The following ODAD2 variants were observed in gnomAD, a reference collection of about 807,000 sequenced individuals.
ODAD2 encodes outer dynein arm-docking complex subunit 2.
In ODAD2, 89 loss-of-function variants were observed where a neutral mutation model predicts 106.8. That is an observed-to-expected ratio of 0.83 (90% confidence interval 0.70 to 0.99). The LOEUF is 0.99. ODAD2 is among the 50% of genes least tolerant of loss of function. The pLI, the probability that ODAD2 is intolerant of heterozygous loss-of-function variation, is 0.00. For synonymous variants in ODAD2, 404 were observed against 436.2 expected, an observed-to-expected ratio of 0.93 and a Z score of 0.92; for missense variants, 1,168 against 1,238.5, an observed-to-expected ratio of 0.94 and a Z score of 0.85.
At position 27,933,830 on chromosome 10, in the gene ODAD2, T is replaced by C. The variant is rs1159803965; in HGVS notation, c.2495+1180A>G. ...CATGTATGCAACTTGTATTCCTTAG[T>C]GTCTGAAACACTGGAGACTAAGATT... On this transcript the variant is annotated intron_variant, in intron 16 of 19. Coordinates refer to ENST00000305242, the MANE Select transcript of ODAD2 (RefSeq NM_018076.5). Among the ~76,000 whole-genome samples the C allele has an allele frequency of 2.6e-5, 4 of 152,326 alleles. No homozygotes were observed. The South Asian group carries it at 8.3e-4, about 32-fold the overall frequency.
At chr10:27,923,342 G>A (rs937863203) in intron 16 of ODAD2, among the ~76,000 whole-genome samples, 4 of 151,762 alleles carry the variant, frequency 2.6e-5, no homozygotes, top group Non-Finnish European at 4.4e-5. Context: ...AAGAAAGCAG[G>A]GATAAATATT....
chr10:27,995,857 T>A (rs749413387), intron 1 of ODAD2: 1 of 152,378 alleles, frequency 6.6e-6, no homozygotes, highest in South Asian at 2.1e-4. Flanking sequence ...TGCCTGTATA[T>A]CCTGCCCAGA....
At chr10:27,830,411 G>A (rs1837386068) in intron 19 of ODAD2, among the ~76,000 whole-genome samples, 1 of 152,196 alleles carries the variant, frequency 6.6e-6, no homozygotes, top group Admixed American at 6.5e-5. Flanking sequence ...ATACTTGGAA[G>A]AACACAGTTT....
intron 19 of ODAD2, among the ~76,000 whole-genome samples, chr10:27,834,728 T>C (rs1837733131): frequency 6.6e-6 from 1 of 152,208 alleles, no homozygotes; most frequent in South Asian, 2.1e-4. Flanking sequence ...CAGAAAAGGC[T>C]ATTACAGAGA....
intron 2 of ODAD2, among the ~76,000 whole-genome samples, chr10:27,989,841 C>A (rs949964306): frequency 3.9e-5 from 6 of 151,956 alleles, no homozygotes; most frequent in African/African-American, 1.5e-4. Context: ...AGAGTGAGAC[C>A]CCCTCTCAAA....
intron 7 of ODAD2, among the ~76,000 whole-genome samples, chr10:27,975,262 T>A (rs1230637608): frequency 6.6e-6 from 1 of 152,114 alleles, no homozygotes; most frequent in South Asian, 2.1e-4. Flanking sequence ...TAACATTTTT[T>A]AAAAACTGGA....
intron 17 of ODAD2, among the ~76,000 whole-genome samples, chr10:27,890,499 G>C (rs1257332402): frequency 1.3e-5 from 2 of 152,138 alleles, no homozygotes; most frequent in African/African-American, 4.8e-5. Flanking sequence ...TTTAGAATAG[G>C]CAATGCTTTT....
At chr10:27,958,790 A>G (rs1259145008) in intron 10 of ODAD2, 2 of 1,207,654 alleles carry the variant, frequency 1.7e-6, no homozygotes, top group Non-Finnish European at 2.1e-6. Context: ...TTATTTTTCC[A>G]TCTTCACCAA....
intron 10 of ODAD2, among the ~76,000 whole-genome samples, chr10:27,958,511 TG>T (rs200216460): frequency 0.022 from 3,361 of 152,332 alleles, 45 homozygotes; most frequent in Non-Finnish European, 0.035. Context: ...GCAACTGGTT[TG>T]TTTTTATTTT....
intron 7 of ODAD2, among the ~76,000 whole-genome samples, chr10:27,980,744 G>T (rs1849493082): frequency 6.6e-6 from 1 of 152,100 alleles, no homozygotes; most frequent in Admixed American, 6.5e-5. Flanking sequence ...AAATGGTGTG[G>T]CCCCCGTGGA....
intron 19 of ODAD2, among the ~76,000 whole-genome samples, chr10:27,823,911 C>T (rs1327565260): frequency 3.4e-5 from 4 of 116,228 alleles, no homozygotes; most frequent in Non-Finnish European, 6.4e-5. Flanking sequence ...GAGGCCGAGG[C>T]GGGCGGATCA....
At chr10:27,996,951 G>A (rs766773472) in intron 1 of ODAD2, among the ~76,000 whole-genome samples, 11 of 152,112 alleles carry the variant, frequency 7.2e-5, no homozygotes, top group Non-Finnish European at 1.3e-4. Context: ...TCATTTTACA[G>A]TTAGCACACT....
intron 17 of ODAD2, among the ~76,000 whole-genome samples, chr10:27,904,780 A>G (rs1399153468): frequency 2.0e-5 from 3 of 152,202 alleles, no homozygotes; most frequent in South Asian, 2.1e-4. Flanking sequence ...ACTCCATGAA[A>G]CAAAGCTTGT....
chr10:27,820,165 G>A (rs1419394279), intron 19 of ODAD2, among the ~76,000 whole-genome samples: 1 of 152,100 alleles, frequency 6.6e-6, no homozygotes, highest in Non-Finnish European at 1.5e-5. Context: ...GCCCTGCCTT[G>A]TCGCTGGCTG....
intron 9 of ODAD2, among the ~76,000 whole-genome samples, chr10:27,965,304 T>C (rs1213481812): frequency 6.6e-6 from 1 of 152,132 alleles, no homozygotes; most frequent in African/African-American, 2.4e-5. Context: ...TGCCCTGTGG[T>C]TACACAGAGC....
In ODAD2 at chr10:27,812,219, A is replaced by C. The variant is rs1260905519; in HGVS notation, c.*293T>G. 1 of 327,918 alleles carries C rather than the reference A, an allele frequency of 3.0e-6. No individual in the cohort carries two copies. The highest frequency in any genetic ancestry group is 5.4e-5 in the Admixed American group (1 of 18,636). The allele number at this position is 327,918 out of a possible 1,614,324, so 20.3% of individuals were successfully genotyped here. On this transcript the variant is annotated 3_prime_UTR_variant, in exon 20 of 20. Coordinates refer to ENST00000305242, the MANE Select transcript of ODAD2 (RefSeq NM_018076.5). ...AAATCGCCACAAATACAAAAGCATC[A>C]CTGAACTAAAAATACATCATATACG... is the stretch of plus-strand genomic sequence containing the variant.
intron 17 of ODAD2, among the ~76,000 whole-genome samples, chr10:27,891,085 C>T (rs1316643387): frequency 1.3e-5 from 2 of 152,162 alleles, no homozygotes; most frequent in African/African-American, 2.4e-5. Context: ...TCTCAAAGTT[C>T]TCATTGGCTC....
At chr10:27,833,548 T>C (rs1417736277) in intron 19 of ODAD2, among the ~76,000 whole-genome samples, 1 of 152,026 alleles carries the variant, frequency 6.6e-6, no homozygotes. Context: ...ATATTGTAAG[T>C]ATGTATCTCT....
chr10:27,827,379 CTATA>C (rs10580710), intron 19 of ODAD2, among the ~76,000 whole-genome samples: 7,784 of 132,276 alleles, frequency 0.059, 543 homozygotes, highest in East Asian at 0.23. Context: ...CACACACACA[CTATA>C]TATATATATA....
Sources: allele counts gnomAD v4.1 joint callset (sites outside exome capture counted in the v4.1 genomes callset), GRCh38; gene constraint gnomAD v4.1.1; transcripts MANE v1.5; gene names NCBI Gene and HGNC (gene_info 2026-07-23, HGNC 2026-07-21).